GGPS1: variants seen among roughly 807,000 people sequenced by gnomAD.
GGPS1 encodes the protein geranylgeranyl pyrophosphate synthase.
A neutral mutation model predicts 28.1 loss-of-function variants in GGPS1; 15 were observed. The observed-to-expected ratio is 0.53, with a 90% confidence interval of 0.36 to 0.82. The LOEUF is 0.82. GGPS1 is among the 40% of genes least tolerant of loss of function. The pLI, the probability that GGPS1 is intolerant of heterozygous loss-of-function variation, is 0.01. For missense variants in GGPS1, 284 were observed against 348.3 expected (o/e 0.82, Z 1.47); for synonymous variants, 138 against 122.4 (o/e 1.13, Z -0.84).
Position 235,342,593 on chromosome 1 carries a change from G to T in GGPS1, c.724G>T (p.Asp242Tyr). The stretch of plus-strand genomic sequence containing the variant: ...CTTGCGCCAGAGAACAGAAAACATA[G>T]ATATAAAAAAATACTGTGTACATTA... ...NILRQRTENI[D>Y]IKKYCVHYLE... Residue 242 changes from aspartate to tyrosine, a missense_variant, in exon 4 of 4, where the codon GAT (aspartate) becomes TAT (tyrosine). Asp to Tyr is a radical substitution (Grantham distance 160, BLOSUM62 -3). Coordinates refer to ENST00000282841, the MANE Select transcript of GGPS1 (RefSeq NM_004837.4). The T allele has an allele frequency of 1.2e-6, 2 of 1,611,546 alleles. No individual in the cohort carries two copies. The highest frequency in any genetic ancestry group is 8.5e-7 in the Non-Finnish European group (1 of 1,177,718).
At chr1:235,334,424 A>G (rs73114662) in intron 1 of GGPS1, among the ~76,000 whole-genome samples, 45 of 152,322 alleles carry the variant, frequency 3.0e-4, no homozygotes, top group African/African-American at 1.0e-3. Flanking sequence ...TGACCAATAT[A>G]ATCACTTGAA....
intron 2 of GGPS1, among the ~76,000 whole-genome samples, chr1:235,338,813 C>T (rs192187709): frequency 3.6e-4 from 55 of 152,222 alleles, no homozygotes; most frequent in African/African-American, 9.6e-4. Flanking sequence ...CTGCAGTAGG[C>T]CGTGATTGTG....
At chr1:235,333,773 C>T (rs1675788311) in intron 1 of GGPS1, among the ~76,000 whole-genome samples, 1 of 152,018 alleles carries the variant, frequency 6.6e-6, no homozygotes, top group Non-Finnish European at 1.5e-5. Flanking sequence ...CAGCCCTAAC[C>T]ACAAACTGCC....
At chr1:235,337,206 A>G (rs1006330351) in intron 2 of GGPS1, 13 of 152,890 alleles carry the variant, frequency 8.5e-5, no homozygotes, top group Admixed American at 8.5e-4. Flanking sequence ...GCCAGTTATC[A>G]GTGCTGACAA....
rs1437686812 is a variant in GGPS1 at position 235,343,744 on chromosome 1, G to A, written c.*972G>A. On this transcript the variant is annotated 3_prime_UTR_variant, in exon 4 of 4. Coordinates refer to ENST00000282841, the MANE Select transcript of GGPS1 (RefSeq NM_004837.4). ...TGTGCCCCAAACTGGTTAGTATATG[G>A]GTACAGCATTCCCTTTCCAATTGGG... 1 of 166,748 alleles carries A rather than the reference G, an allele frequency of 6.0e-6. No homozygotes were observed. The highest frequency in any genetic ancestry group is 1.5e-5 in the Non-Finnish European group (1 of 68,076). 10.3% of individuals were successfully genotyped at this position (166,748 alleles called of 1,614,324 possible). A position where few individuals can be genotyped will look rare whatever the true frequency, so the allele number is the denominator to read the frequency against.
rs575536469 is a variant in GGPS1 at position 235,343,331 on chromosome 1, A to G, written c.*559A>G. 3.1e-4 allele frequency: 50 copies of G among 162,080 alleles called. No homozygotes were observed. In the East Asian group the frequency reaches 4.0e-3, roughly 13 times the overall value. 10.0% of individuals were successfully genotyped at this position (162,080 alleles called of 1,614,324 possible). On this transcript the variant is annotated 3_prime_UTR_variant, in exon 4 of 4. Coordinates refer to ENST00000282841, the MANE Select transcript of GGPS1 (RefSeq NM_004837.4). ...AGCACTTTGGGAGGCCGAGGCGGGCAGATCACGAGGTCAGGAGATCGAGAC... is the reference window on the plus strand; with the variant it reads ...AGCACTTTGGGAGGCCGAGGCGGGCGGATCACGAGGTCAGGAGATCGAGAC...
intron 1 of GGPS1, among the ~76,000 whole-genome samples, chr1:235,331,249 T>C (rs1675706783): frequency 1.3e-5 from 2 of 152,224 alleles, no homozygotes. Context: ...TGAATTCATG[T>C]TGTTAAAATG....
At chr1:235,339,499 C>A (rs887358832) in intron 2 of GGPS1, among the ~76,000 whole-genome samples, 14 of 151,888 alleles carry the variant, frequency 9.2e-5, no homozygotes, top group Admixed American at 8.5e-4. Context: ...AACAAAAAAA[C>A]CCATAATCCC....
chr1:235,342,877 TA>T lies in GGPS1; in HGVS notation c.*108del, dbSNP rs1473715076. Reference sequence around the variant, plus strand: ...AAAATTTGTTATTCTCCAGAAACAGTAAATAGGTGAGTAGGGGTGGTGCAAG... The same window carrying T: ...AAAATTTGTTATTCTCCAGAAACAGTAATAGGTGAGTAGGGGTGGTGCAAG... On this transcript the variant is annotated 3_prime_UTR_variant, in exon 4 of 4. Transcript: ENST00000282841. 2.8e-6 allele frequency: 2 copies of T among 711,288 alleles called. No homozygotes were observed. Among genetic ancestry groups the T allele is most frequent in the African/African-American group, 3.6e-5 (2 of 55,876 alleles). 44.1% of individuals were successfully genotyped at this position (711,288 alleles called of 1,614,324 possible).
intron 2 of GGPS1, among the ~76,000 whole-genome samples, chr1:235,337,275 C>T (rs1245776586): frequency 6.6e-6 from 1 of 152,168 alleles, no homozygotes; most frequent in Non-Finnish European, 1.5e-5. Flanking sequence ...GCAAGGACTG[C>T]CTACAGTTAC....
At chr1:235,333,323 T>G (rs1675773249) in intron 1 of GGPS1, among the ~76,000 whole-genome samples, 1 of 151,730 alleles carries the variant, frequency 6.6e-6, no homozygotes, top group African/African-American at 2.4e-5. Context: ...TTCCAACACT[T>G]TGGGAGGCTG....
chr1:235,331,167 C>G (rs72758085), intron 1 of GGPS1, among the ~76,000 whole-genome samples: 1,671 of 151,906 alleles, frequency 0.011, 18 homozygotes, highest in Non-Finnish European at 0.017. Context: ...GCCTTTTTTT[C>G]CTTGCGACGT....
In GGPS1 at chr1:235,342,283, T is replaced by A; in HGVS notation, c.414T>A (p.Cys138Ter). ...TTTACTGGAGGGATAATTACACTTG[T>A]CCCACTGAAGAAGAATATAAAGCTA... is the stretch of plus-strand genomic sequence containing the variant. ...LDIYWRDNYT[C>*]PTEEEYKAMV... is the part of the protein sequence containing the mutation. Residue 138 changes from cysteine to a stop codon, truncating the protein, a stop_gained, in exon 4 of 4, where the codon TGT becomes TGA. Transcript: ENST00000282841. LOFTEE classifies it high-confidence loss of function. The A allele has an allele frequency of 6.2e-7, 1 of 1,614,172 alleles. No homozygotes were observed. The highest frequency in any genetic ancestry group is 1.1e-5 in the South Asian group (1 of 91,088).
rs375884882 is a variant in GGPS1 at position 235,342,836 on chromosome 1, C to T, written c.*64C>T. 1.7e-6 allele frequency: 2 copies of T among 1,143,292 alleles called. No individual in the cohort carries two copies. Among genetic ancestry groups the T allele is most frequent in the Non-Finnish European group, 1.2e-6 (1 of 803,472 alleles). The allele number at this position is 1,143,292 out of a possible 1,614,324, so 70.8% of individuals were successfully genotyped here. A position where few individuals can be genotyped will look rare whatever the true frequency, so the allele number is the denominator to read the frequency against. On this transcript the variant is annotated 3_prime_UTR_variant, in exon 4 of 4. Transcript: ENST00000282841. ...AGTTAATCTTTTTTTTGTCTTTTAG[C>T]CTTACCACCTTTTAAAAAATTTGTT...
At chr1:235,340,619 C>T (rs1035047042) in intron 2 of GGPS1, among the ~76,000 whole-genome samples, 3 of 150,250 alleles carry the variant, frequency 2.0e-5, no homozygotes, top group Non-Finnish European at 4.4e-5. Flanking sequence ...GCCTGTAGTC[C>T]CAGCTACTCG....
Position 235,342,205 on chromosome 1 carries a change from G to A in GGPS1, c.336G>A (p.Val112=), listed in dbSNP as rs1462261954. ...TAACCCTTGATCACCCAGATGCAGT[G>A]AAGCTTTTTACCCGCCAGCTTTTGG... ...KVLTLDHPDA[V]KLFTRQLLEL... The change falls in exon 4 of 4, where the codon GTG becomes GTA. Residue 112 remains valine (V), a synonymous_variant. Transcript: ENST00000282841. 1 of 1,613,858 alleles carries A rather than the reference G, an allele frequency of 6.2e-7. No individual in the cohort carries two copies. Among genetic ancestry groups the A allele is most frequent in the East Asian group, 2.2e-5 (1 of 44,898 alleles).
chr1:235,334,002 A>G (rs911846270), intron 1 of GGPS1, among the ~76,000 whole-genome samples: 5 of 152,238 alleles, frequency 3.3e-5, no homozygotes, highest in African/African-American at 7.2e-5. Context: ...TAGAGATTCA[A>G]CAGTACAGGG....
At chr1:235,338,248 A>G (rs1406980505) in intron 2 of GGPS1, among the ~76,000 whole-genome samples, 2 of 151,532 alleles carry the variant, frequency 1.3e-5, no homozygotes, top group Non-Finnish European at 2.9e-5. Context: ...CAGGCATGTG[A>G]TACGCCCTTG....
intron 1 of GGPS1, among the ~76,000 whole-genome samples, chr1:235,333,133 ACCCC>A (rs1208065726): frequency 2.7e-5 from 4 of 149,622 alleles, no homozygotes; most frequent in Non-Finnish European, 4.4e-5. Flanking sequence ...AGTAGCCCAC[ACCCC>A]CTTAGTTGTG....
Sources: allele counts gnomAD v4.1 joint callset (sites outside exome capture counted in the v4.1 genomes callset), GRCh38; gene constraint gnomAD v4.1.1; transcripts MANE v1.5; gene names NCBI Gene and HGNC (gene_info 2026-07-23, HGNC 2026-07-21).